The following SLC39A9 variants were observed in gnomAD, a reference collection of about 807,000 sequenced individuals.
The protein encoded by SLC39A9 is solute carrier family 39 member 9, also known as zinc transporter ZIP9.
Under a neutral mutation model 28.4 loss-of-function variants are expected in SLC39A9, and 14 were observed. The ratio of observed to expected loss-of-function variants is 0.49; its 90% CI spans 0.33 to 0.77. The LOEUF (loss-of-function observed/expected upper bound fraction) is 0.77, where lower values mean the gene tolerates loss of function less well. Among genes scored for constraint, SLC39A9 ranks in the 30% least tolerant of loss-of-function variants. The pLI is 0.02. For missense variants in SLC39A9, 283 were observed against 381.1 expected (o/e 0.74, Z 2.14); for synonymous variants, 119 against 149.6 (o/e 0.80, Z 1.49).
intron 3 of SLC39A9, among the ~76,000 whole-genome samples, chr14:69,452,634 G>A (rs1285387160): frequency 2.0e-5 from 3 of 152,062 alleles, no homozygotes; most frequent in South Asian, 4.2e-4. Context: ...CCGGCCAAGG[G>A]TGGTGTTTTC....
intron 2 of SLC39A9, chr14:69,429,389 A>T (rs901225312): frequency 6.6e-6 from 1 of 151,340 alleles, no homozygotes; most frequent in South Asian, 2.1e-4. Flanking sequence ...TGCATGAACC[A>T]TGTTTGGCTA....
At chr14:69,425,257 A>G (rs1018564115) in intron 2 of SLC39A9, among the ~76,000 whole-genome samples, 1 of 152,240 alleles carries the variant, frequency 6.6e-6, no homozygotes, top group Non-Finnish European at 1.5e-5. Context: ...ATACACTCCT[A>G]AAACAGGAAT....
In SLC39A9 at chr14:69,460,929, G is replaced by A; in HGVS notation, c.*2336G>A. 1.0e-6 allele frequency: 1 copy of A among 985,656 alleles called. No homozygotes were observed. The highest frequency in any genetic ancestry group is 1.2e-6 in the Non-Finnish European group (1 of 830,124). 61.1% of individuals were successfully genotyped at this position (985,656 alleles called of 1,614,324 possible). On this transcript the variant is annotated 3_prime_UTR_variant, in exon 7 of 7. Coordinates refer to ENST00000336643, the MANE Select transcript of SLC39A9 (RefSeq NM_018375.5). ...TCTTCAGGCAGCAGGGAACCAAGCA[G>A]CGTGGCACAGGCCTTCTTGACTGGA...
intron 3 of SLC39A9, among the ~76,000 whole-genome samples, chr14:69,451,961 C>T (rs1385965980): frequency 1.3e-5 from 2 of 151,922 alleles, no homozygotes; most frequent in Non-Finnish European, 2.9e-5. Context: ...AGTGATCCTC[C>T]CCCATCGACC....
At position 69,399,108 on chromosome 14, in the gene SLC39A9, A is replaced by C; in HGVS notation, c.-262A>C. 1 of 444,106 alleles carries C rather than the reference A, an allele frequency of 2.3e-6. No individual in the cohort carries two copies. The highest frequency in any genetic ancestry group is 4.0e-6 in the Non-Finnish European group (1 of 252,082). The allele number at this position is 444,106 out of a possible 1,614,324, so 27.5% of individuals were successfully genotyped here. The stretch of plus-strand genomic sequence containing the variant: ...CATCTCTGTTAACCCACGAGAATCT[A>C]ATGACTGGCATCTGAGAACCCAGAG... On this transcript the variant is annotated 5_prime_UTR_variant, in exon 1 of 7. Coordinates refer to ENST00000336643, the MANE Select transcript of SLC39A9 (RefSeq NM_018375.5).
rs561722702 is a variant in SLC39A9 at position 69,399,142 on chromosome 14, C to G, written c.-228C>G. On this transcript the variant is annotated 5_prime_UTR_variant, in exon 1 of 7. Transcript: ENST00000336643. The stretch of plus-strand genomic sequence containing the variant: ...CATCTGAGAACCCAGAGCCTGGGAC[C>G]TTAGATTGCTGTAAGCTTTCTCTGG... The G allele has an allele frequency of 2.0e-6, 1 of 511,916 alleles. No homozygotes were observed. The highest frequency in any genetic ancestry group is 2.0e-5 in the African/African-American group (1 of 49,590). The allele number at this position is 511,916 out of a possible 1,614,324, so 31.7% of individuals were successfully genotyped here. A position where few individuals can be genotyped will look rare whatever the true frequency, so the allele number is the denominator to read the frequency against.
In SLC39A9 at chr14:69,399,190, C is replaced by T. The variant is rs1159646540; in HGVS notation, c.-180C>T. 1.6e-6 allele frequency: 1 copy of T among 610,094 alleles called. No homozygotes were observed. The highest frequency in any genetic ancestry group is 1.9e-5 in the African/African-American group (1 of 51,994). The allele number at this position is 610,094 out of a possible 1,614,324, so 37.8% of individuals were successfully genotyped here. On this transcript the variant is annotated 5_prime_UTR_variant, in exon 1 of 7. Transcript: ENST00000336643. ...TGGTGCTAATATCAGCAAAAAGGGT[C>T]TGTTGCCGGGTACGTTCAAGAGGAA...
intron 1 of SLC39A9, among the ~76,000 whole-genome samples, chr14:69,411,451 TA>T (rs1199211837): frequency 2.0e-5 from 3 of 152,220 alleles, no homozygotes; most frequent in African/African-American, 7.2e-5. Flanking sequence ...TGTGAACTTC[TA>T]AAATGAGATA....
At chr14:69,426,195 C>A (rs1884179554) in intron 2 of SLC39A9, among the ~76,000 whole-genome samples, 1 of 152,122 alleles carries the variant, frequency 6.6e-6, no homozygotes, top group Non-Finnish European at 1.5e-5. Context: ...AGTATCAGAT[C>A]CCACAGATCT....
In SLC39A9 at chr14:69,461,494, T is replaced by C. The variant is rs1316874898; in HGVS notation, c.*2901T>C. ...ACCTACCTAGAGGTTATGTGTTTTCTCTTTCTCCCCGCTTTCACCTCTTTC... is the reference window on the plus strand; with the variant it reads ...ACCTACCTAGAGGTTATGTGTTTTCCCTTTCTCCCCGCTTTCACCTCTTTC... On this transcript the variant is annotated 3_prime_UTR_variant, in exon 7 of 7. Coordinates refer to ENST00000336643, the MANE Select transcript of SLC39A9 (RefSeq NM_018375.5). 28 of 1,427,280 alleles carry C rather than the reference T, an allele frequency of 2.0e-5. No homozygotes were observed. The East Asian group carries it at 6.8e-4, about 35-fold the overall frequency. The allele number at this position is 1,427,280 out of a possible 1,614,324, so 88.4% of individuals were successfully genotyped here. A position where few individuals can be genotyped will look rare whatever the true frequency, so the allele number is the denominator to read the frequency against.
At chr14:69,430,608 CTTTG>C (rs928413917) in intron 2 of SLC39A9, among the ~76,000 whole-genome samples, 1 of 146,556 alleles carries the variant, frequency 6.8e-6, no homozygotes, top group African/African-American at 2.5e-5. Context: ...TGGAGTCCTT[CTTTG>C]TTCTTATTTT....
intron 3 of SLC39A9, among the ~76,000 whole-genome samples, chr14:69,450,209 AAAGG>A (rs1243409005): frequency 1.3e-5 from 2 of 151,906 alleles, no homozygotes; most frequent in African/African-American, 4.8e-5. Flanking sequence ...AAAAAGGAAG[AAAGG>A]AAGGAAGAGG....
intron 1 of SLC39A9, among the ~76,000 whole-genome samples, chr14:69,407,272 CT>C (rs1461842975): frequency 6.7e-6 from 1 of 149,308 alleles, no homozygotes; most frequent in Non-Finnish European, 1.5e-5. Context: ...TCCTTCCTTC[CT>C]TTCTTTCCTT....
At chr14:69,416,851 C>A (rs1307350772) in intron 1 of SLC39A9, among the ~76,000 whole-genome samples, 1 of 152,072 alleles carries the variant, frequency 6.6e-6, no homozygotes, top group Non-Finnish European at 1.5e-5. Context: ...TGTTTAAGTT[C>A]TTTGTAGATT....
intron 3 of SLC39A9, among the ~76,000 whole-genome samples, chr14:69,446,068 C>T (rs558543655): frequency 6.6e-6 from 1 of 151,980 alleles, no homozygotes; most frequent in South Asian, 2.1e-4. Flanking sequence ...ATGGGCAAAA[C>T]AGTTCTGAAG....
intron 1 of SLC39A9, 98 bp from the exon 2 acceptor site, chr14:69,423,996 A>C (rs1884045814): frequency 2.6e-6 from 2 of 770,036 alleles, no homozygotes; most frequent in Admixed American, 2.4e-5. Flanking sequence ...TGTTGGTCTC[A>C]CAAATGAGCA....
At chr14:69,439,536 A>G (rs77054373) in intron 2 of SLC39A9, among the ~76,000 whole-genome samples, 1,763 of 152,286 alleles carry the variant, frequency 0.012, 34 homozygotes, top group African/African-American at 0.039. Context: ...AAAGTGATCT[A>G]CAGATTTAAT....
At chr14:69,455,684 C>T (rs1885823583) in intron 5 of SLC39A9, 48 bp from the exon 6 acceptor site, 1 of 1,606,078 alleles carries the variant, frequency 6.2e-7, no homozygotes, top group African/African-American at 1.3e-5. Context: ...GATGTAGAAG[C>T]AACCCATACT....
intron 2 of SLC39A9, among the ~76,000 whole-genome samples, chr14:69,433,332 A>G (rs1255924707): frequency 6.6e-6 from 1 of 152,096 alleles, no homozygotes; most frequent in Non-Finnish European, 1.5e-5. Flanking sequence ...TGCTGGATTC[A>G]ATTTACTAAT....
Sources: gnomAD v4.1 joint callset for allele counts (sites outside exome capture counted in the v4.1 genomes callset) on GRCh38, gnomAD v4.1.1 for gene constraint, MANE v1.5 for transcripts, NCBI Gene and HGNC (gene_info 2026-07-23, HGNC 2026-07-21) for gene names.